The following OSBPL10 variants were observed in gnomAD, a reference collection of about 807,000 sequenced individuals.
OSBPL10 encodes the protein oxysterol binding protein like 10.
In OSBPL10, 49 loss-of-function variants were observed where a neutral mutation model predicts 81.7. That is an observed-to-expected ratio of 0.60 (90% CI 0.48 to 0.76). The LOEUF (loss-of-function observed/expected upper bound fraction) is 0.76, where lower values mean the gene tolerates loss of function less well. OSBPL10 is among the 30% of genes least tolerant of loss of function. The probability of loss-of-function intolerance (pLI) is 0.00; values close to 1 mark genes in which losing one functional copy is unlikely to be tolerated. For synonymous variants in OSBPL10, 419 were observed against 383.6 expected (o/e 1.09, Z -1.08); for missense variants, 923 against 987.8 (o/e 0.93, Z 0.88).
In OSBPL10 at chr3:31,671,674, G is replaced by A. The variant is rs754896735; in HGVS notation, c.1727-691C>T. Among the ~76,000 whole-genome samples, 7 of 152,292 alleles carry A rather than the reference G, an allele frequency of 4.6e-5. 1 individual carries two copies. The highest frequency in any genetic ancestry group is 3.9e-4 in the East Asian group (2 of 5,188). On this transcript the variant is annotated intron_variant, in intron 8 of 11. Transcript: ENST00000396556. ...GGACTCTGTAACACTTACTGCCCAC[G>A]CACTTCCAGAGAAAGGGTTCTCCAA...
intron 3 of OSBPL10, among the ~76,000 whole-genome samples, chr3:31,861,621 T>G (rs913686151): frequency 6.6e-6 from 1 of 152,220 alleles, no homozygotes; most frequent in Non-Finnish European, 1.5e-5. Flanking sequence ...ACCATTAATA[T>G]TATTGGCCTC....
chr3:31,908,293 A>G (rs565273202), intron 1 of OSBPL10, among the ~76,000 whole-genome samples: 44 of 152,266 alleles, frequency 2.9e-4, no homozygotes, highest in African/African-American at 1.0e-3. Context: ...GAGCAAAGAC[A>G]TGACACTAGC....
At chr3:31,917,961 A>G (rs1696805165) in intron 1 of OSBPL10, among the ~76,000 whole-genome samples, 1 of 152,128 alleles carries the variant, frequency 6.6e-6, no homozygotes, top group African/African-American at 2.4e-5. Context: ...TGTTAAATTT[A>G]GAAACTAAGT....
At chr3:31,958,617 A>G (rs1280297447) in intron 1 of OSBPL10, among the ~76,000 whole-genome samples, 1 of 152,214 alleles carries the variant, frequency 6.6e-6, no homozygotes, top group Non-Finnish European at 1.5e-5. Flanking sequence ...TTTCAATAAC[A>G]CAAAGCATCT....
intron 6 of OSBPL10, among the ~76,000 whole-genome samples, chr3:31,730,517 G>A (rs989047117): frequency 2.6e-5 from 4 of 152,010 alleles, no homozygotes; most frequent in Admixed American, 1.3e-4. Context: ...TGAAAAAATT[G>A]TTTTACTAAT....
intron 1 of OSBPL10, among the ~76,000 whole-genome samples, chr3:31,911,048 A>G (rs1328288131): frequency 6.6e-6 from 1 of 152,174 alleles, no homozygotes; most frequent in African/African-American, 2.4e-5. Context: ...AGGGTTCCAT[A>G]TTAAATGCGA....
intron 6 of OSBPL10, among the ~76,000 whole-genome samples, chr3:31,719,484 C>T (rs1696565001): frequency 6.6e-6 from 1 of 152,022 alleles, no homozygotes. Flanking sequence ...TAACTTCATA[C>T]ATAATTATAA....
chr3:31,876,738 A>G (rs1701482827), intron 2 of OSBPL10, among the ~76,000 whole-genome samples: 2 of 152,172 alleles, frequency 1.3e-5, no homozygotes, highest in African/African-American at 4.8e-5. Flanking sequence ...CATATGAAAA[A>G]TGGATTCTGA....
intron 1 of OSBPL10, among the ~76,000 whole-genome samples, chr3:31,938,219 G>A (rs1326310146): frequency 6.6e-6 from 1 of 151,968 alleles, no homozygotes; most frequent in Admixed American, 6.6e-5. Context: ...GGCCTCTTCT[G>A]TCTACATCTC....
intron 7 of OSBPL10, among the ~76,000 whole-genome samples, chr3:31,684,621 T>G (rs935912213): frequency 3.3e-5 from 5 of 152,122 alleles, no homozygotes; most frequent in African/African-American, 1.2e-4. Context: ...AATGACAGTG[T>G]GCACTGGGAG....
intron 4 of OSBPL10, among the ~76,000 whole-genome samples, chr3:31,817,839 C>T (rs963581777): frequency 2.6e-5 from 4 of 152,186 alleles, no homozygotes; most frequent in African/African-American, 9.6e-5. Flanking sequence ...CCACTGCCAT[C>T]AATGCCTGTA....
intron 6 of OSBPL10, among the ~76,000 whole-genome samples, chr3:31,709,669 G>A (rs1696191385): frequency 1.3e-5 from 2 of 152,166 alleles, no homozygotes; most frequent in African/African-American, 4.8e-5. Context: ...TGAAGGGGTA[G>A]GCAACAATTT....
At chr3:31,854,408 T>C (rs1700854454) in intron 3 of OSBPL10, among the ~76,000 whole-genome samples, 1 of 152,214 alleles carries the variant, frequency 6.6e-6, no homozygotes, top group Non-Finnish European at 1.5e-5. Flanking sequence ...TCAGTTCCTT[T>C]GTGGTTAGTC....
chr3:31,680,798 G>T (rs965846561), intron 8 of OSBPL10, among the ~76,000 whole-genome samples: 1 of 152,126 alleles, frequency 6.6e-6, no homozygotes, highest in Non-Finnish European at 1.5e-5. Context: ...TGCCCTTTCA[G>T]CTACAAGATT....
intron 3 of OSBPL10, among the ~76,000 whole-genome samples, chr3:31,844,296 G>C (rs560279688): frequency 1.3e-5 from 2 of 152,214 alleles, no homozygotes; most frequent in Admixed American, 1.3e-4. Context: ...CAAAGACTGA[G>C]GAATAAGATT....
chr3:31,802,880 G>T (rs1477318616), intron 4 of OSBPL10, among the ~76,000 whole-genome samples: 2 of 151,890 alleles, frequency 1.3e-5, no homozygotes, highest in African/African-American at 4.8e-5. Flanking sequence ...TGATCAAAGA[G>T]CCACCCAGTC....
chr3:31,801,620 CA>C (rs1699380584), intron 4 of OSBPL10, among the ~76,000 whole-genome samples: 2 of 152,162 alleles, frequency 1.3e-5, no homozygotes, highest in African/African-American at 4.8e-5. Flanking sequence ...ACACTGCAGA[CA>C]AAAGATGTAG....
intron 7 of OSBPL10, among the ~76,000 whole-genome samples, chr3:31,689,162 CA>C (rs1043204217): frequency 2.0e-5 from 3 of 149,424 alleles, no homozygotes; most frequent in Non-Finnish European, 4.4e-5. Context: ...GTTTGGAAAA[CA>C]AAAATGAAAG....
At chr3:31,993,609 A>G (rs187071240) in intron 2 of OSBPL10, among the ~76,000 whole-genome samples, 73 of 152,324 alleles carry the variant, frequency 4.8e-4, no homozygotes, top group Non-Finnish European at 5.0e-4. Flanking sequence ...CAACATTACT[A>G]GTCATTAGGG....
Sources: gnomAD v4.1 joint callset for allele counts (sites outside exome capture counted in the v4.1 genomes callset) on GRCh38, gnomAD v4.1.1 for gene constraint, MANE v1.5 for transcripts, NCBI Gene and HGNC (gene_info 2026-07-23, HGNC 2026-07-21) for gene names.